RGS7BP: variants seen among roughly 807,000 people sequenced by gnomAD.
The protein encoded by RGS7BP is regulator of G protein signaling 7-binding protein.
A neutral mutation model predicts 31.3 loss-of-function variants in RGS7BP; 9 were observed. The ratio of observed to expected loss-of-function variants is 0.29; its 90% CI spans 0.17 to 0.50. The LOEUF (loss-of-function observed/expected upper bound fraction) is 0.50, where lower values mean the gene tolerates loss of function less well. Among genes scored for constraint, RGS7BP ranks in the 20% least tolerant of loss-of-function variants. The pLI is 0.98. For synonymous variants in RGS7BP, 115 were observed against 120.1 expected (o/e 0.96, Z 0.28); for missense variants, 274 against 322.0 (o/e 0.85, Z 1.14).
chr5:64,599,663 A>G (rs1296696347), intron 5 of RGS7BP, among the ~76,000 whole-genome samples: 1 of 152,234 alleles, frequency 6.6e-6, no homozygotes. Flanking sequence ...GAAAGTAGAA[A>G]ACATGCTTTA....
chr5:64,598,104 G>A (rs1304373718), intron 4 of RGS7BP, among the ~76,000 whole-genome samples: 2 of 152,164 alleles, frequency 1.3e-5, no homozygotes, highest in Non-Finnish European at 2.9e-5. Context: ...AGGTTCGACT[G>A]GAGGCAGAGA....
chr5:64,532,712 C>A (rs770977622), intron 2 of RGS7BP, among the ~76,000 whole-genome samples: 3 of 152,014 alleles, frequency 2.0e-5, no homozygotes, highest in African/African-American at 7.2e-5. Flanking sequence ...CATTTAGTAC[C>A]CAAGTAAAAT....
intron 2 of RGS7BP, among the ~76,000 whole-genome samples, chr5:64,568,687 A>C (rs1742227720): frequency 6.6e-6 from 1 of 151,976 alleles, no homozygotes; most frequent in South Asian, 2.1e-4. Flanking sequence ...AAACAGTTAC[A>C]TTTAAGATGA....
At chr5:64,601,628 G>C in intron 5 of RGS7BP, 1 of 159,724 alleles carries the variant, frequency 6.3e-6, no homozygotes, top group Middle Eastern at 3.2e-3. Flanking sequence ...CAAGGGCCAG[G>C]TCTCCTGGCT....
intron 4 of RGS7BP, among the ~76,000 whole-genome samples, chr5:64,596,220 G>T (rs993806516): frequency 6.6e-6 from 1 of 152,178 alleles, no homozygotes; most frequent in East Asian, 1.9e-4. Context: ...CAATGTTTCA[G>T]TTCAGCCTGA....
chr5:64,598,586 G>A, intron 5 of RGS7BP, 151 bp downstream of exon 5: 1 of 677,294 alleles, frequency 1.5e-6, no homozygotes, highest in Non-Finnish European at 2.6e-6. Context: ...ATCAAAATGA[G>A]ACTAGAAACT....
chr5:64,556,305 A>G (rs1741920510), intron 2 of RGS7BP, among the ~76,000 whole-genome samples: 2 of 148,352 alleles, frequency 1.3e-5, no homozygotes, highest in Non-Finnish European at 3.0e-5. Context: ...TGAGTTTCCT[A>G]TTTATGTTTT....
At position 64,606,039 on chromosome 5, in the gene RGS7BP, TAGAG is replaced by T. The variant is rs372992231; in HGVS notation, c.683-3104_683-3101del. On this transcript the variant is annotated intron_variant, in intron 5 of 5. Coordinates refer to ENST00000334025, the MANE Select transcript of RGS7BP (RefSeq NM_001029875.3). ...CTGGATACATATATATATATATATA[TAGAG>T]AGAGAGAGAGAGAGAGAAGGCTGAG... Among the ~76,000 whole-genome samples the T allele has an allele frequency of 1.7e-3, 214 of 123,714 alleles. 5 individuals are homozygous for T. The highest frequency in any genetic ancestry group is 6.1e-3 in the African/African-American group (196 of 32,314). 81.2% of individuals were successfully genotyped at this position (123,714 alleles called of 152,430 possible). A position where few individuals can be genotyped will look rare whatever the true frequency, so the allele number is the denominator to read the frequency against.
chr5:64,599,782 C>T (rs1743172710), intron 5 of RGS7BP, among the ~76,000 whole-genome samples: 1 of 152,238 alleles, frequency 6.6e-6, no homozygotes, highest in East Asian at 1.9e-4. Context: ...CAAATGCAGG[C>T]TCTGCCACCT....
chr5:64,542,138 G>A (rs1045328653), intron 2 of RGS7BP, among the ~76,000 whole-genome samples: 7 of 152,160 alleles, frequency 4.6e-5, no homozygotes, highest in Admixed American at 2.6e-4. Context: ...TCGTGTTAAC[G>A]AAAGAGTTGA....
chr5:64,581,921 G>C lies in RGS7BP; in HGVS notation c.463+6017G>C, dbSNP rs149595275. ...GCCAACAACATGAAAGTAAAGTACAGTAACGTGAGGTAAAATCTACATATA... is the reference window on the plus strand; with the variant it reads ...GCCAACAACATGAAAGTAAAGTACACTAACGTGAGGTAAAATCTACATATA... On this transcript the variant is annotated intron_variant, in intron 3 of 5. Transcript: ENST00000334025. 7.9e-5 allele frequency among the ~76,000 whole-genome samples: 12 copies of C among 152,252 alleles called. No homozygotes were observed. The East Asian group carries it at 2.3e-3, about 29-fold the overall frequency.
chr5:64,548,868 A>C (rs1427539430), intron 2 of RGS7BP, among the ~76,000 whole-genome samples: 2 of 131,018 alleles, frequency 1.5e-5, no homozygotes, highest in Non-Finnish European at 3.1e-5. Context: ...TTTTTTTTTT[A>C]CTAAGTACCC....
At position 64,506,790 on chromosome 5, in the gene RGS7BP, G is replaced by A. The variant is rs1748693230; in HGVS notation, c.165+1G>A. 1 of 1,552,292 alleles carries A rather than the reference G, an allele frequency of 6.4e-7. No homozygotes were observed. Among genetic ancestry groups the A allele is most frequent in the Non-Finnish European group, 8.7e-7 (1 of 1,145,096 alleles). ...ACGAGCCCTGGACGACTGCAAGATG[G>A]TGGGTGAAAACTGCGCCTCTTTTTT... On this transcript the variant is annotated splice_donor_variant, in intron 1 of 5. Transcript: ENST00000334025. LOFTEE classifies it high-confidence loss of function. This position sits in a 1 kb window ranked among gnomAD's most constrained non-coding sequence, Gnocchi z 4.6.
At chr5:64,522,349 T>C (rs1561321475) in intron 2 of RGS7BP, among the ~76,000 whole-genome samples, 2 of 152,180 alleles carry the variant, frequency 1.3e-5, no homozygotes, top group Non-Finnish European at 1.5e-5. Context: ...TAGTCACCAG[T>C]GGACATTTGA....
chr5:64,571,283 T>C (rs977651105), intron 2 of RGS7BP, among the ~76,000 whole-genome samples: 1 of 152,178 alleles, frequency 6.6e-6, no homozygotes, highest in African/African-American at 2.4e-5. Flanking sequence ...TGAGTATTAT[T>C]CTATTGTAGA....
intron 3 of RGS7BP, among the ~76,000 whole-genome samples, chr5:64,592,226 A>G (rs1342517116): frequency 6.6e-6 from 1 of 152,188 alleles, no homozygotes; most frequent in Non-Finnish European, 1.5e-5. Flanking sequence ...TAAAGAAGAT[A>G]CCATATCAAA....
At chr5:64,599,376 G>A (rs1743161291) in intron 5 of RGS7BP, among the ~76,000 whole-genome samples, 1 of 152,202 alleles carries the variant, frequency 6.6e-6, no homozygotes, top group Non-Finnish European at 1.5e-5. Flanking sequence ...GGGAAGACAG[G>A]GTGCCACTTG....
At position 64,516,407 on chromosome 5, in the gene RGS7BP, C is replaced by A. The variant is rs115042800; in HGVS notation, c.332+8530C>A. 6.8e-3 allele frequency among the ~76,000 whole-genome samples: 1,028 copies of A among 152,184 alleles called. 11 individuals are homozygous for A. The highest frequency in any genetic ancestry group is 0.023 in the African/African-American group (963 of 41,500). On this transcript the variant is annotated intron_variant, in intron 2 of 5. Coordinates refer to ENST00000334025, the MANE Select transcript of RGS7BP (RefSeq NM_001029875.3). ...CCATTTCTGTGGCCACCTGTTAGTT[C>A]ACAGATGTATCCCCTCAGGCCATCA...
At chr5:64,537,488 A>G (rs1049875495) in intron 2 of RGS7BP, among the ~76,000 whole-genome samples, 1 of 152,110 alleles carries the variant, frequency 6.6e-6, no homozygotes, top group African/African-American at 2.4e-5. Flanking sequence ...TAACCACCCA[A>G]TTACCTGTCT....
Sources: gnomAD v4.1 joint callset for allele counts (sites outside exome capture counted in the v4.1 genomes callset) on GRCh38, gnomAD v4.1.1 for gene constraint, Gnocchi (gnomAD v3.1) non-coding constraint, MANE v1.5 for transcripts, NCBI Gene and HGNC (gene_info 2026-07-23, HGNC 2026-07-21) for gene names.